Variants in FRMD4B observed in about 807,000 individuals in gnomAD.
The protein encoded by FRMD4B is FERM domain-containing protein 4B.
FRMD4B carries 74 observed loss-of-function variants against 141.5 expected under a neutral mutation model. The observed-to-expected ratio is 0.52, with a 90% CI of 0.43 to 0.63. The LOEUF (loss-of-function observed/expected upper bound fraction) is 0.63, where lower values mean the gene tolerates loss of function less well. FRMD4B is among the 30% of genes least tolerant of loss of function. The pLI, the probability that FRMD4B is intolerant of heterozygous loss-of-function variation, is 0.00. For missense variants in FRMD4B, 1,366 were observed against 1,253.4 expected (o/e 1.09, Z -1.36); for synonymous variants, 506 against 467.9 (o/e 1.08, Z -1.05).
At chr3:69,313,058 T>C (rs1212306423) in intron 2 of FRMD4B, among the ~76,000 whole-genome samples, 1 of 152,220 alleles carries the variant, frequency 6.6e-6, no homozygotes, top group Non-Finnish European at 1.5e-5. Flanking sequence ...CAATGCCATG[T>C]AGCTGGACAG....
chr3:69,190,959 G>C (rs2092829133), intron 17 of FRMD4B, among the ~76,000 whole-genome samples: 1 of 152,208 alleles, frequency 6.6e-6, no homozygotes, highest in Non-Finnish European at 1.5e-5. Flanking sequence ...ATCACGTAGT[G>C]CTGGGGTGAG....
chr3:69,247,357 T>C (rs572985008), intron 7 of FRMD4B, among the ~76,000 whole-genome samples: 9 of 152,228 alleles, frequency 5.9e-5, no homozygotes, highest in African/African-American at 2.2e-4. Flanking sequence ...CATTTACAAA[T>C]TGACTTTAGA....
chr3:69,508,904 G>A (rs148308660), intron 1 of FRMD4B, among the ~76,000 whole-genome samples: 96 of 152,272 alleles, frequency 6.3e-4, no homozygotes, highest in African/African-American at 2.2e-3. Flanking sequence ...TAGAGCACAG[G>A]ACAATCTCAA....
At position 69,169,078 on chromosome 3, in the gene FRMD4B, C is replaced by T. The variant is rs2092562577; in HGVS notation, c.*2783G>A. 2.7e-5 allele frequency among the ~76,000 whole-genome samples: 2 copies of T among 73,368 alleles called. No homozygotes were observed. The highest frequency in any genetic ancestry group is 3.5e-4 in the Admixed American group (2 of 5,762). 48.1% of individuals were successfully genotyped at this position (73,368 alleles called of 152,430 possible). ...ATTACTATATGCATAGAAAAAAATC[C>T]AAACAAATATACAATAAATTAACTA... On this transcript the variant is annotated 3_prime_UTR_variant, in exon 23 of 23. Coordinates refer to ENST00000398540, the MANE Select transcript of FRMD4B (RefSeq NM_015123.3).
chr3:69,313,207 A>C (rs2107234261), intron 2 of FRMD4B, among the ~76,000 whole-genome samples: 1 of 152,326 alleles, frequency 6.6e-6, no homozygotes, highest in East Asian at 1.9e-4. Context: ...ACTGGAACTC[A>C]AGTGTCTCTG....
chr3:69,491,577 A>G (rs2107025313), intron 1 of FRMD4B, among the ~76,000 whole-genome samples: 1 of 152,344 alleles, frequency 6.6e-6, no homozygotes, highest in East Asian at 1.9e-4. Context: ...CTGCAAAAAG[A>G]ACAAAAAGAG....
chr3:69,230,264 C>A (rs2093294930), intron 7 of FRMD4B, among the ~76,000 whole-genome samples: 1 of 152,048 alleles, frequency 6.6e-6, no homozygotes. Flanking sequence ...GCATGAGCCA[C>A]CTCGTCCGGC....
intron 4 of FRMD4B, among the ~76,000 whole-genome samples, chr3:69,288,931 C>T (rs1261541416): frequency 6.6e-6 from 1 of 152,212 alleles, no homozygotes; most frequent in Non-Finnish European, 1.5e-5. Context: ...GCTGAAAGGG[C>T]TGTGAAAGAT....
chr3:69,488,155 T>C (rs1034755090), intron 1 of FRMD4B, among the ~76,000 whole-genome samples: 2 of 152,134 alleles, frequency 1.3e-5, no homozygotes, highest in Admixed American at 1.3e-4. Flanking sequence ...GGAGTAGATA[T>C]TGCCTTGTAA....
intron 1 of FRMD4B, among the ~76,000 whole-genome samples, chr3:69,363,012 A>C (rs563600589): frequency 6.6e-6 from 1 of 151,504 alleles, no homozygotes; most frequent in Non-Finnish European, 1.5e-5. Flanking sequence ...AAAAACAAAC[A>C]AAAAGTGAAA....
intron 5 of FRMD4B, among the ~76,000 whole-genome samples, chr3:69,277,516 CTTTTTTTTTTTT>C (rs55745266): frequency 1.3e-4 from 8 of 60,440 alleles, no homozygotes; most frequent in Non-Finnish European, 8.6e-5. Flanking sequence ...TTTCTTTCTG[CTTTTTTTTTTTT>C]TTTTTTTTTT....
At chr3:69,408,440 C>G (rs1704690862) in intron 2 of FRMD4B, among the ~76,000 whole-genome samples, 1 of 152,174 alleles carries the variant, frequency 6.6e-6, no homozygotes, top group Non-Finnish European at 1.5e-5. Flanking sequence ...GACGCTTTCT[C>G]CAGAAAGCCC....
At chr3:69,376,299 G>A (rs1703969390) in intron 1 of FRMD4B, among the ~76,000 whole-genome samples, 1 of 152,110 alleles carries the variant, frequency 6.6e-6, no homozygotes, top group Admixed American at 6.5e-5. Context: ...GCCTTAAACA[G>A]TGCTGGGAGC....
chr3:69,417,016 G>A (rs544459129), intron 2 of FRMD4B, among the ~76,000 whole-genome samples: 7 of 152,274 alleles, frequency 4.6e-5, no homozygotes, highest in Admixed American at 6.5e-5. Context: ...AAACATATGT[G>A]TGCATGTGTC....
intron 1 of FRMD4B, among the ~76,000 whole-genome samples, chr3:69,453,428 G>A (rs962852): frequency 0.26 from 38,879 of 152,062 alleles, 5,612 homozygotes; most frequent in East Asian, 0.45. Context: ...GCATAGCGCC[G>A]GGCACCTGGA....
intron 1 of FRMD4B, among the ~76,000 whole-genome samples, chr3:69,360,641 T>C (rs981401883): frequency 1.3e-5 from 2 of 152,226 alleles, no homozygotes; most frequent in Non-Finnish European, 2.9e-5. Flanking sequence ...GTTTATCCTG[T>C]AAATTCTCCT....
chr3:69,288,638 C>T (rs1559781265), intron 4 of FRMD4B, among the ~76,000 whole-genome samples: 1 of 152,182 alleles, frequency 6.6e-6, no homozygotes, highest in Non-Finnish European at 1.5e-5. Context: ...CAAAGGCTGG[C>T]ACTCTGTGGT....
intron 1 of FRMD4B, among the ~76,000 whole-genome samples, chr3:69,523,534 G>A (rs982299232): frequency 1.3e-5 from 2 of 152,116 alleles, no homozygotes; most frequent in South Asian, 4.1e-4. Context: ...TGAAGCTCCG[G>A]TCATGGTATC....
intron 13 of FRMD4B, 161 bp downstream of exon 13, chr3:69,196,739 T>A: frequency 1.6e-6 from 1 of 617,446 alleles, no homozygotes; most frequent in Middle Eastern, 4.3e-4. Context: ...ATATTGCCCA[T>A]CATGTAAACA....
Sources: gnomAD v4.1 joint callset for allele counts (sites outside exome capture counted in the v4.1 genomes callset) on GRCh38, gnomAD v4.1.1 for gene constraint, MANE v1.5 for transcripts, NCBI Gene and HGNC (gene_info 2026-07-23, HGNC 2026-07-21) for gene names.